Variants in CACNA2D1 observed in about 807,000 individuals in gnomAD.
The protein encoded by CACNA2D1 is calcium voltage-gated channel auxiliary subunit alpha2delta 1.
In CACNA2D1, 53 loss-of-function variants were observed where a neutral mutation model predicts 171.5. The ratio of observed to expected loss-of-function variants is 0.31; its 90% CI spans 0.25 to 0.39. The LOEUF (loss-of-function observed/expected upper bound fraction) is 0.39. Among genes scored for constraint, CACNA2D1 ranks in the 10% least tolerant of loss-of-function variants. The pLI is 1.00. For missense variants in CACNA2D1, 903 were observed against 1,299.8 expected, an observed-to-expected ratio of 0.69 and a Z score of 4.69; for synonymous variants, 442 against 443.1, an observed-to-expected ratio of 1.00 and a Z score of 0.03.
chr7:82,424,923 T>C (rs1194122061), intron 1 of CACNA2D1, among the ~76,000 whole-genome samples: 1 of 152,200 alleles, frequency 6.6e-6, no homozygotes, highest in Non-Finnish European at 1.5e-5. Flanking sequence ...TTTTGGTGTA[T>C]TTGTGATTGC....
chr7:82,397,714 C>T (rs187160956), intron 1 of CACNA2D1, among the ~76,000 whole-genome samples: 194 of 152,280 alleles, frequency 1.3e-3, no homozygotes, highest in Middle Eastern at 6.8e-3. Context: ...GCCATATTAA[C>T]GAATGTGCTA....
intron 3 of CACNA2D1, among the ~76,000 whole-genome samples, chr7:82,250,453 A>G (rs1241966689): frequency 1.3e-5 from 2 of 152,204 alleles, no homozygotes; most frequent in African/African-American, 4.8e-5. Context: ...TTTCCTGTGG[A>G]TATATCCTGA....
chr7:81,980,760 C>A (rs558368009), intron 24 of CACNA2D1, among the ~76,000 whole-genome samples: 1 of 152,184 alleles, frequency 6.6e-6, no homozygotes, highest in South Asian at 2.1e-4. Flanking sequence ...TTGACAGATA[C>A]ACTTGATACT....
rs148743592 is a variant in CACNA2D1 at position 82,200,220 on chromosome 7, A to G, written c.295-29611T>C. 7.7e-3 allele frequency among the ~76,000 whole-genome samples: 1,165 copies of G among 152,246 alleles called. 6 individuals carry two copies. The highest frequency in any genetic ancestry group is 0.013 in the Non-Finnish European group (861 of 67,968). On this transcript the variant is annotated intron_variant, in intron 3 of 38. Transcript: ENST00000356860. ...ACTCTTAGCGACTCAAGTAGAATAT[A>G]TTGTTTAGCAAAAAAGCAAGGTTAT...
chr7:82,299,129 GA>G lies in CACNA2D1; in HGVS notation c.294+36005del, dbSNP rs555397693. Among the ~76,000 whole-genome samples, 108 of 150,334 alleles carry G rather than the reference GA, an allele frequency of 7.2e-4. No individual in the cohort carries two copies. In the Middle Eastern group the frequency reaches 0.027, roughly 38 times the overall value. On this transcript the variant is annotated intron_variant, in intron 3 of 38. Transcript: ENST00000356860. ...ATTTTTTACTCACCTGGTTAATTGGGAAAAAAAAATTCTCTGCTTATCATAC... is the reference window on the plus strand; with the variant it reads ...ATTTTTTACTCACCTGGTTAATTGGGAAAAAAAATTCTCTGCTTATCATAC...
At chr7:82,338,753 A>G (rs1272744804) in intron 2 of CACNA2D1, among the ~76,000 whole-genome samples, 1 of 152,196 alleles carries the variant, frequency 6.6e-6, no homozygotes, top group Non-Finnish European at 1.5e-5. Flanking sequence ...TGAATCTTCA[A>G]TGCCATTCTA....
chr7:82,101,590 G>A (rs993386900), intron 6 of CACNA2D1, among the ~76,000 whole-genome samples: 25 of 151,902 alleles, frequency 1.6e-4, no homozygotes, highest in South Asian at 8.3e-4. Context: ...ATTTATTTTC[G>A]GTTTCCATTT....
chr7:82,401,439 AGTAAAC>A (rs1456859304), intron 1 of CACNA2D1, among the ~76,000 whole-genome samples: 4 of 150,786 alleles, frequency 2.7e-5, no homozygotes, highest in Non-Finnish European at 5.9e-5. Context: ...CATCATTCTC[AGTAAAC>A]TATCGCAAGA....
intron 3 of CACNA2D1, among the ~76,000 whole-genome samples, chr7:82,275,216 C>T (rs1482414585): frequency 1.3e-5 from 2 of 152,172 alleles, no homozygotes; most frequent in Non-Finnish European, 2.9e-5. Context: ...TACTTAGAAC[C>T]TACAGCAAGA....
At chr7:82,356,592 T>C (rs919075565) in intron 1 of CACNA2D1, among the ~76,000 whole-genome samples, 2 of 152,146 alleles carry the variant, frequency 1.3e-5, no homozygotes, top group African/African-American at 4.8e-5. Flanking sequence ...GCTTTGAATA[T>C]AGCAGACACA....
intron 3 of CACNA2D1, among the ~76,000 whole-genome samples, chr7:82,229,655 C>T (rs1229566264): frequency 1.3e-5 from 2 of 150,178 alleles, no homozygotes; most frequent in East Asian, 3.9e-4. Context: ...TCTTTCTCTG[C>T]CTTTCCCACA....
intron 6 of CACNA2D1, among the ~76,000 whole-genome samples, chr7:82,111,227 T>C (rs954269098): frequency 6.7e-6 from 1 of 149,442 alleles, no homozygotes; most frequent in African/African-American, 2.4e-5. Flanking sequence ...AAAAAAGCTA[T>C]TTTCCTAGTT....
chr7:81,963,756 T>C (rs1476255955), intron 34 of CACNA2D1, among the ~76,000 whole-genome samples: 20 of 151,986 alleles, frequency 1.3e-4, no homozygotes, highest in Admixed American at 1.3e-3. Context: ...AATGTTTTTA[T>C]AAATATTTAA....
chr7:82,017,064 C>T (rs1584422801), intron 12 of CACNA2D1, among the ~76,000 whole-genome samples: 1 of 151,932 alleles, frequency 6.6e-6, no homozygotes, highest in Non-Finnish European at 1.5e-5. Flanking sequence ...ATCTAATATA[C>T]CCAAGATTAT....
At chr7:82,104,220 G>T (rs1179151746) in intron 6 of CACNA2D1, among the ~76,000 whole-genome samples, 2 of 151,922 alleles carry the variant, frequency 1.3e-5, no homozygotes, top group African/African-American at 4.8e-5. Context: ...ATGAATAAAT[G>T]AATGAAAAGA....
At chr7:82,108,441 T>G (rs555001837) in intron 6 of CACNA2D1, among the ~76,000 whole-genome samples, 3 of 152,170 alleles carry the variant, frequency 2.0e-5, no homozygotes, top group Non-Finnish European at 2.9e-5. Context: ...CCTCATTTAA[T>G]CCTAATTACT....
intron 3 of CACNA2D1, among the ~76,000 whole-genome samples, chr7:82,265,630 A>G (rs940423152): frequency 1.3e-5 from 2 of 151,120 alleles, no homozygotes; most frequent in Non-Finnish European, 3.0e-5. Flanking sequence ...TTTACAGCAA[A>G]CCCCTGTGAA....
intron 3 of CACNA2D1, among the ~76,000 whole-genome samples, chr7:82,222,945 A>G (rs531205065): frequency 6.4e-5 from 8 of 125,742 alleles, no homozygotes; most frequent in African/African-American, 2.4e-4. Flanking sequence ...ATGTAGTTTC[A>G]CTCTATTGCC....
At chr7:82,263,796 T>C (rs560943533) in intron 3 of CACNA2D1, among the ~76,000 whole-genome samples, 2 of 152,232 alleles carry the variant, frequency 1.3e-5, no homozygotes, top group Non-Finnish European at 2.9e-5. Context: ...GATTTTCCTC[T>C]AAATGATATG....
Sources: gnomAD v4.1 joint callset for allele counts (sites outside exome capture counted in the v4.1 genomes callset) on GRCh38, gnomAD v4.1.1 for gene constraint, MANE v1.5 for transcripts, NCBI Gene and HGNC (gene_info 2026-07-23, HGNC 2026-07-21) for gene names.